DENND4C: variants seen among roughly 807,000 people sequenced by gnomAD.
DENND4C encodes the protein DENN domain containing 4C, also known as DENN domain-containing protein 4C.
In DENND4C, 108 loss-of-function variants were observed where a neutral mutation model predicts 203.0. That is an observed-to-expected ratio of 0.53 (90% CI 0.46 to 0.62). DENND4C has a LOEUF of 0.62. Among genes scored for constraint, DENND4C ranks in the 20% least tolerant of loss-of-function variants. The pLI, the probability that DENND4C is intolerant of heterozygous loss-of-function variation, is 0.00. For missense variants in DENND4C, 2,481 were observed against 2,301.2 expected (o/e 1.08, Z -1.60); for synonymous variants, 871 against 792.4 (o/e 1.10, Z -1.67).
chr9:19,282,773 G>T (rs1241069419), intron 2 of DENND4C, among the ~76,000 whole-genome samples: 2 of 131,098 alleles, frequency 1.5e-5, no homozygotes, highest in African/African-American at 5.8e-5. Context: ...CTGGAGTGCA[G>T]TGGTATGATT....
chr9:19,300,327 T>G lies in DENND4C; in HGVS notation c.1307T>G (p.Val436Gly), dbSNP rs183018594. The G allele has an allele frequency of 6.4e-7, 1 of 1,573,908 alleles. No individual in the cohort carries two copies. Among genetic ancestry groups the G allele is most frequent in the East Asian group, 2.3e-5 (1 of 44,226 alleles). Residue 436 changes from valine (V) to glycine (G), a missense_variant, in exon 9 of 33, where the codon GTA (valine) becomes GGA (glycine). Physicochemically the swap from Val to Gly is moderately radical, Grantham distance 109. Coordinates refer to ENST00000434457, the MANE Select transcript of DENND4C (RefSeq NM_001330640.2). ...AVLTGVAEAVVAMIFPFQWQC... is the reference protein window; with the variant it reads ...AVLTGVAEAVGAMIFPFQWQC... ...TTGACTGGGGTAGCTGAAGCTGTTG[T>G]AGCTGTAAGTATAGAATTTTCCTTT...
chr9:19,257,742 A>G (rs1343821616), intron 1 of DENND4C, among the ~76,000 whole-genome samples: 1 of 152,234 alleles, frequency 6.6e-6, no homozygotes, highest in Non-Finnish European at 1.5e-5. Context: ...ATGGATAGTA[A>G]TAGAATATTA....
intron 4 of DENND4C, among the ~76,000 whole-genome samples, chr9:19,289,447 A>C (rs1210259292): frequency 3.9e-5 from 6 of 152,212 alleles, no homozygotes; most frequent in African/African-American, 1.4e-4. Context: ...TTTCATAAAA[A>C]CATTCATACT....
intron 10 of DENND4C, among the ~76,000 whole-genome samples, chr9:19,306,159 A>G (rs1419193293): frequency 1.3e-5 from 2 of 152,242 alleles, no homozygotes; most frequent in African/African-American, 4.8e-5. Flanking sequence ...GTGGGAAAGG[A>G]CAGTAAGTAT....
chr9:19,372,051 GAATATGGAATTGCATAC>G lies in DENND4C; in HGVS notation c.5760_5776del (p.Tyr1920Ter). 1 of 1,604,458 alleles carries G rather than the reference GAATATGGAATTGCATAC, an allele frequency of 6.2e-7. No homozygotes were observed. Among genetic ancestry groups the G allele is most frequent in the Non-Finnish European group, 8.5e-7 (1 of 1,177,464 alleles). ...ATTTCTTTCAGAGGCATTTGACAAT[GAATATGGAATTGCATAC>G]AATAGTCTGTCTTCAGAGATTCTTG... is the stretch of plus-strand genomic sequence containing the variant. On this transcript the variant is annotated frameshift_variant, in exon 33 of 33. Transcript: ENST00000434457. LOFTEE classifies it high-confidence loss of function.
At chr9:19,368,330 C>G (rs1037665838) in intron 30 of DENND4C, among the ~76,000 whole-genome samples, 1 of 147,110 alleles carries the variant, frequency 6.8e-6, no homozygotes, top group African/African-American at 2.5e-5. Flanking sequence ...GGCGGTGTTA[C>G]ACAATACAAT....
intron 10 of DENND4C, 126 bp downstream of exon 10, chr9:19,305,653 G>C (rs1839504273): frequency 2.2e-6 from 2 of 894,556 alleles, no homozygotes; most frequent in Non-Finnish European, 3.3e-6. Context: ...AAATACAGCA[G>C]CTCTCAACCA....
intron 1 of DENND4C, among the ~76,000 whole-genome samples, chr9:19,263,813 G>A (rs988266373): frequency 6.6e-6 from 1 of 151,674 alleles, no homozygotes; most frequent in African/African-American, 2.4e-5. Flanking sequence ...CCACCACCAC[G>A]CCCGGCTAAA....
intron 10 of DENND4C, among the ~76,000 whole-genome samples, chr9:19,306,616 T>G (rs748670071): frequency 1.3e-5 from 2 of 152,086 alleles, no homozygotes; most frequent in Non-Finnish European, 2.9e-5. Context: ...TTTTTTACCT[T>G]ATTTTATTTT....
intron 21 of DENND4C, among the ~76,000 whole-genome samples, chr9:19,341,372 C>T (rs889386540): frequency 2.8e-5 from 4 of 144,884 alleles, no homozygotes; most frequent in Middle Eastern, 3.4e-3. Flanking sequence ...AGTGCAGTGG[C>T]GAGAACATGT....
At chr9:19,267,534 T>TA (rs1830751444) in intron 1 of DENND4C, among the ~76,000 whole-genome samples, 1 of 152,090 alleles carries the variant, frequency 6.6e-6, no homozygotes, top group Non-Finnish European at 1.5e-5. Context: ...AAATTTTACT[T>TA]AAAGTTTTTT....
chr9:19,290,121 T>C (rs1167691198), intron 4 of DENND4C, among the ~76,000 whole-genome samples: 1 of 152,176 alleles, frequency 6.6e-6, no homozygotes, highest in African/African-American at 2.4e-5. Context: ...AGATGCCATG[T>C]AGCTAATTTA....
intron 21 of DENND4C, among the ~76,000 whole-genome samples, chr9:19,342,124 CAAA>C (rs34191941): frequency 9.7e-5 from 6 of 61,854 alleles, no homozygotes; most frequent in South Asian, 5.8e-4. Context: ...GACTCCATCT[CAAA>C]AAAAAAAAAA....
At chr9:19,310,766 G>T (rs1224600153) in intron 10 of DENND4C, among the ~76,000 whole-genome samples, 1 of 151,824 alleles carries the variant, frequency 6.6e-6, no homozygotes, top group Admixed American at 6.6e-5. Context: ...ACAACTTGAT[G>T]TTGGCATATT....
At chr9:19,242,168 C>T (rs1340472682) in intron 1 of DENND4C, among the ~76,000 whole-genome samples, 1 of 152,168 alleles carries the variant, frequency 6.6e-6, no homozygotes, top group Non-Finnish European at 1.5e-5. Flanking sequence ...TAATTGAAAT[C>T]ATATAGTATG....
At chr9:19,348,992 G>GA in intron 23 of DENND4C, among the ~76,000 whole-genome samples, 1 of 152,184 alleles carries the variant, frequency 6.6e-6, no homozygotes, top group East Asian at 1.9e-4. Context: ...TTTTTGTAGA[G>GA]ATAGGGTCTT....
chr9:19,232,278 A>G (rs1206863817), intron 1 of DENND4C, among the ~76,000 whole-genome samples: 4 of 151,462 alleles, frequency 2.6e-5, no homozygotes, highest in Admixed American at 2.6e-4. Flanking sequence ...TTTTTTCAGT[A>G]GTGGCAAAGG....
At chr9:19,240,672 C>CA (rs35202603) in intron 1 of DENND4C, among the ~76,000 whole-genome samples, 48 of 143,902 alleles carry the variant, frequency 3.3e-4, no homozygotes, top group South Asian at 1.3e-3. Flanking sequence ...TCTCAAAAAA[C>CA]AAAAAAAAAA....
chr9:19,319,079 G>C (rs1318827984), intron 12 of DENND4C, among the ~76,000 whole-genome samples: 5 of 151,550 alleles, frequency 3.3e-5, no homozygotes, highest in Non-Finnish European at 1.5e-5. Context: ...TGAGGCAGGA[G>C]AATCGCTTCA....
Sources: gnomAD v4.1 joint callset for allele counts (sites outside exome capture counted in the v4.1 genomes callset) on GRCh38, gnomAD v4.1.1 for gene constraint, MANE v1.5 for transcripts, NCBI Gene and HGNC (gene_info 2026-07-23, HGNC 2026-07-21) for gene names.